The following STK10 variants were observed in gnomAD, a reference collection of about 807,000 sequenced individuals.
STK10 encodes serine/threonine-protein kinase 10.
A neutral mutation model predicts 113.8 loss-of-function variants in STK10; 78 were observed. The ratio of observed to expected loss-of-function variants is 0.69; its 90% confidence interval spans 0.57 to 0.83. The LOEUF (loss-of-function observed/expected upper bound fraction) is 0.83. Among genes scored for constraint, STK10 ranks in the 40% least tolerant of loss-of-function variants. The pLI, the probability that STK10 is intolerant of heterozygous loss-of-function variation, is 0.00. For synonymous variants in STK10, 465 were observed against 494.7 expected (o/e 0.94, Z 0.80); for missense variants, 1,109 against 1,280.1 (o/e 0.87, Z 2.04).
chr5:172,073,965 A>AAAAAAT (rs1554116931), intron 12 of STK10, among the ~76,000 whole-genome samples: 6 of 96,840 alleles, frequency 6.2e-5, no homozygotes, highest in African/African-American at 1.8e-4. Flanking sequence ...ACTCTGTCTC[A>AAAAAAT]AATAATAATA....
intron 1 of STK10, among the ~76,000 whole-genome samples, chr5:172,165,975 T>C (rs1374367580): frequency 5.9e-5 from 9 of 152,252 alleles, no homozygotes; most frequent in African/African-American, 1.9e-4. Context: ...GTATTTTTAG[T>C]GGCGACGGGG....
intron 18 of STK10, among the ~76,000 whole-genome samples, chr5:172,052,075 T>C (rs1767640914): frequency 6.6e-6 from 1 of 152,160 alleles, no homozygotes; most frequent in African/African-American, 2.4e-5. Flanking sequence ...CTGAATGTGG[T>C]ATCATTCCTG....
At chr5:172,085,018 G>C (rs934118267) in intron 10 of STK10, among the ~76,000 whole-genome samples, 1 of 152,166 alleles carries the variant, frequency 6.6e-6, no homozygotes, top group Non-Finnish European at 1.5e-5. Flanking sequence ...GCCGAGTTGG[G>C]AGGATCACTT....
chr5:172,107,657 TA>T, intron 5 of STK10, 122 bp downstream of exon 5: 2 of 890,128 alleles, frequency 2.2e-6, no homozygotes, highest in South Asian at 1.7e-5. Flanking sequence ...ACACAGCTAG[TA>T]AGCCACGAGG....
chr5:172,162,331 C>A (rs1770488810), intron 1 of STK10, among the ~76,000 whole-genome samples: 1 of 151,762 alleles, frequency 6.6e-6, no homozygotes, highest in Non-Finnish European at 1.5e-5. Flanking sequence ...GAGTGAGACT[C>A]CATCTCAAAA....
chr5:172,065,993 C>G (rs1768061757), intron 12 of STK10, among the ~76,000 whole-genome samples: 1 of 152,200 alleles, frequency 6.6e-6, no homozygotes, highest in Non-Finnish European at 1.5e-5. Flanking sequence ...TGACACTTCT[C>G]TCTAAGGACC....
intron 7 of STK10, among the ~76,000 whole-genome samples, chr5:172,105,095 T>C (rs761948316): frequency 6.6e-6 from 1 of 152,074 alleles, no homozygotes; most frequent in Non-Finnish European, 1.5e-5. Context: ...CATCGAGCCT[T>C]GGGACAGACG....
intron 10 of STK10, among the ~76,000 whole-genome samples, chr5:172,088,358 T>G (rs1173824571): frequency 6.6e-6 from 1 of 151,848 alleles, no homozygotes; most frequent in African/African-American, 2.4e-5. Context: ...ACCCCGTGTG[T>G]ACTAAAAATA....
chr5:172,156,639 G>A lies in STK10; in HGVS notation c.306C>T (p.His102=), dbSNP rs771853735. The A allele has an allele frequency of 8.1e-6, 13 of 1,613,556 alleles. No homozygotes were observed. Among genetic ancestry groups the A allele is most frequent in the South Asian group, 5.5e-5 (5 of 91,064 alleles). The change falls in exon 2 of 19, where the codon CAC becomes CAT. Residue 102 remains histidine (H), a synonymous_variant. Transcript: ENST00000176763. ...YIVKLLGAYY[H]DGKLWIMIEF... is the part of the protein sequence containing the mutation. Reference sequence around the variant, plus strand: ...GCAGCCTTACCCACAGCTTCCCGTCGTGATAGTAGGCTCCCAGGAGCTTCA... The same window carrying A: ...GCAGCCTTACCCACAGCTTCCCGTCATGATAGTAGGCTCCCAGGAGCTTCA...
chr5:172,078,129 A>C (rs963033531), intron 12 of STK10, among the ~76,000 whole-genome samples: 1 of 152,216 alleles, frequency 6.6e-6, no homozygotes, highest in Non-Finnish European at 1.5e-5. Context: ...CAGCCCTCAC[A>C]GAGGTGACCT....
Position 172,087,623 on chromosome 5 carries a change from A to ATTTATTTTT in STK10, c.1685+2608_1685+2609insAAAAATAAA, listed in dbSNP as rs1462186039. ...ATTTTTTAAATTTATTTACTTATTT[A>ATTTATTTTT]TTTTTTTTTTTTTTTTGAGACGGAG... On this transcript the variant is annotated intron_variant, in intron 10 of 18. Coordinates refer to ENST00000176763, the MANE Select transcript of STK10 (RefSeq NM_005990.4). Among the ~76,000 whole-genome samples the ATTTATTTTT allele has an allele frequency of 1.2e-4, 10 of 85,170 alleles. 3 individuals carry two copies. Among genetic ancestry groups the ATTTATTTTT allele is most frequent in the African/African-American group, 5.8e-4 (10 of 17,200 alleles). 55.9% of individuals were successfully genotyped at this position (85,170 alleles called of 152,430 possible).
rs1581129975 is a variant in STK10 at position 172,051,239 on chromosome 5, TA to T, written c.2766+1689del. Among the ~76,000 whole-genome samples, 4 of 152,002 alleles carry T rather than the reference TA, an allele frequency of 2.6e-5. No individual in the cohort carries two copies. The South Asian group carries it at 8.3e-4, about 32-fold the overall frequency. ...TTGACACATTTCATTATACAATATT[TA>T]AAAAAAATTATATCTCCACCAGGCA... is the stretch of plus-strand genomic sequence containing the variant. On this transcript the variant is annotated intron_variant, in intron 18 of 18. Coordinates refer to ENST00000176763, the MANE Select transcript of STK10 (RefSeq NM_005990.4).
chr5:172,123,774 T>C (rs1769564364), intron 3 of STK10, among the ~76,000 whole-genome samples: 1 of 152,074 alleles, frequency 6.6e-6, no homozygotes, highest in South Asian at 2.1e-4. Flanking sequence ...CCCTGTTGTC[T>C]ACCCTGCTGC....
At chr5:172,183,518 T>C (rs1025229049) in intron 1 of STK10, among the ~76,000 whole-genome samples, 3 of 151,938 alleles carry the variant, frequency 2.0e-5, no homozygotes, top group Admixed American at 2.0e-4. Flanking sequence ...GCACAATCTC[T>C]GCTCTCTGCA....
chr5:172,118,887 A>AG, intron 3 of STK10, among the ~76,000 whole-genome samples: 1 of 151,458 alleles, frequency 6.6e-6, no homozygotes, highest in East Asian at 1.9e-4. Context: ...TCAAAAAAAA[A>AG]AAAAAAAAAA....
intron 15 of STK10, among the ~76,000 whole-genome samples, chr5:172,056,503 A>G (rs1938912606): frequency 1.3e-5 from 2 of 152,144 alleles, no homozygotes; most frequent in African/African-American, 4.8e-5. Flanking sequence ...GGAATGCACA[A>G]GAAAGAGAGA....
chr5:172,048,521 G>A (rs1396147380), intron 18 of STK10, among the ~76,000 whole-genome samples: 1 of 151,130 alleles, frequency 6.6e-6, no homozygotes, highest in Non-Finnish European at 1.5e-5. Flanking sequence ...CGGGGAAGAT[G>A]GCTTGCCCAA....
At chr5:172,055,563 C>T in intron 16 of STK10, 25 bp downstream of exon 16, 2 of 1,427,416 alleles carry the variant, frequency 1.4e-6, no homozygotes, top group South Asian at 1.6e-5. Flanking sequence ...AGCACACTTG[C>T]AGACCCCGCA....
intron 18 of STK10, among the ~76,000 whole-genome samples, chr5:172,051,774 G>A (rs1380566378): frequency 1.3e-5 from 2 of 152,148 alleles, no homozygotes; most frequent in African/African-American, 2.4e-5. Flanking sequence ...GCTGCCACCA[G>A]GAGGTCAAGT....
Sources: allele counts gnomAD v4.1 joint callset (sites outside exome capture counted in the v4.1 genomes callset), GRCh38; gene constraint gnomAD v4.1.1; transcripts MANE v1.5; gene names NCBI Gene and HGNC (gene_info 2026-07-23, HGNC 2026-07-21).